Variants in ELAPOR2 observed in about 807,000 individuals in gnomAD.
ELAPOR2 encodes endosome-lysosome associated apoptosis and autophagy regulator family member 2, also known as endosome/lysosome-associated apoptosis and autophagy regulator family member 2.
Under a neutral mutation model 120.7 loss-of-function variants are expected in ELAPOR2, and 89 were observed. The ratio of observed to expected loss-of-function variants is 0.74; its 90% CI spans 0.62 to 0.88. The LOEUF is 0.88. Among genes scored for constraint, ELAPOR2 ranks in the 40% least tolerant of loss-of-function variants. The pLI, the probability that ELAPOR2 is intolerant of heterozygous loss-of-function variation, is 0.00. For missense variants in ELAPOR2, 1,134 were observed against 1,251.6 expected (o/e 0.91, Z 1.42); for synonymous variants, 444 against 444.9 (o/e 1.00, Z 0.03).
chr7:87,035,178 T>C (rs1468125822), intron 1 of ELAPOR2, among the ~76,000 whole-genome samples: 3 of 152,060 alleles, frequency 2.0e-5, no homozygotes, highest in African/African-American at 7.2e-5. Flanking sequence ...GGTATGGATA[T>C]ACCCCTGAGC....
intron 1 of ELAPOR2, among the ~76,000 whole-genome samples, chr7:87,022,731 C>G (rs1400549643): frequency 1.3e-5 from 2 of 150,738 alleles, no homozygotes; most frequent in Non-Finnish European, 3.0e-5. Context: ...CACATCCTCT[C>G]CAGCACCTGT....
At chr7:86,908,941 A>T (rs1318920643) in intron 16 of ELAPOR2, among the ~76,000 whole-genome samples, 2 of 152,084 alleles carry the variant, frequency 1.3e-5, no homozygotes, top group Non-Finnish European at 2.9e-5. Context: ...ACTCATATTC[A>T]ATATAGACAT....
At chr7:87,040,598 C>A (rs933342517) in intron 1 of ELAPOR2, among the ~76,000 whole-genome samples, 28 of 152,080 alleles carry the variant, frequency 1.8e-4, no homozygotes, top group African/African-American at 4.8e-4. Flanking sequence ...GACATCCACA[C>A]CAAAAACCCA....
rs1799288886 is a variant in ELAPOR2 at position 86,879,281 on chromosome 7, T to C, written c.*1190A>G. Reference sequence around the variant, plus strand: ...ACAAATAATATCCAAGTCGTGCTAATACCAGTAGCCCACCATAGAAAATAT... The same window carrying C: ...ACAAATAATATCCAAGTCGTGCTAACACCAGTAGCCCACCATAGAAAATAT... On this transcript the variant is annotated 3_prime_UTR_variant, in exon 22 of 22. Coordinates refer to ENST00000450689, the MANE Select transcript of ELAPOR2 (RefSeq NM_001142749.3). The C allele has an allele frequency of 6.6e-6, 1 of 152,200 alleles. No individual in the cohort carries two copies. The highest frequency in any genetic ancestry group is 1.5e-5 in the Non-Finnish European group (1 of 68,020). The allele number at this position is 152,200 out of a possible 1,614,324, so 9.4% of individuals were successfully genotyped here.
chr7:86,885,985 T>A lies in ELAPOR2; in HGVS notation c.3031-5455A>T, dbSNP rs114891511. 3.0e-3 allele frequency among the ~76,000 whole-genome samples: 459 copies of A among 152,022 alleles called. 3 individuals carry two copies. Among genetic ancestry groups the A allele is most frequent in the African/African-American group, 0.01 (433 of 41,482 alleles). ...ACTGCCATTTGCAACAAATGGTGAGTCAGGGTTTCACACAAGTTCCTTTAC... is the reference window on the plus strand; with the variant it reads ...ACTGCCATTTGCAACAAATGGTGAGACAGGGTTTCACACAAGTTCCTTTAC... On this transcript the variant is annotated intron_variant, in intron 21 of 21. Coordinates refer to ENST00000450689, the MANE Select transcript of ELAPOR2 (RefSeq NM_001142749.3).
At chr7:86,944,436 T>A (rs1790920885) in intron 4 of ELAPOR2, among the ~76,000 whole-genome samples, 6 of 151,994 alleles carry the variant, frequency 3.9e-5, no homozygotes, top group Admixed American at 2.6e-4. Context: ...TGAAAAAAAA[T>A]TGCTCATAAA....
chr7:87,029,773 A>C (rs899208996), intron 1 of ELAPOR2, among the ~76,000 whole-genome samples: 2 of 152,214 alleles, frequency 1.3e-5, no homozygotes, highest in Non-Finnish European at 2.9e-5. Flanking sequence ...CTCAGACAGG[A>C]TATCTACAAT....
At chr7:87,022,127 A>G (rs1025861790) in intron 1 of ELAPOR2, among the ~76,000 whole-genome samples, 2 of 151,984 alleles carry the variant, frequency 1.3e-5, no homozygotes, top group Admixed American at 6.6e-5. Flanking sequence ...TGTGCACAAC[A>G]TGCAGGTTTG....
At chr7:87,008,304 C>T (rs552915883) in intron 1 of ELAPOR2, among the ~76,000 whole-genome samples, 1 of 152,168 alleles carries the variant, frequency 6.6e-6, no homozygotes, top group Non-Finnish European at 1.5e-5. Context: ...GTATCAACAT[C>T]AAGAAAGACG....
Position 86,926,920 on chromosome 7 carries a change from CAAAAAAAAA to C in ELAPOR2, c.1090-13_1090-5del. 6 of 886,970 alleles carry C rather than the reference CAAAAAAAAA, an allele frequency of 6.8e-6. No individual in the cohort carries two copies. The highest frequency in any genetic ancestry group is 6.8e-6 in the Non-Finnish European group (5 of 737,158). 54.9% of individuals were successfully genotyped at this position (886,970 alleles called of 1,614,324 possible). ...TCCACTTGTACATTATCTGTGTCTA[CAAAAAAAAA>C]AAAAAAAAAAAAGCAACCAAGTCAT... On this transcript the variant is annotated splice_polypyrimidine_tract_variant and splice_region_variant and intron_variant, in intron 8 of 21. Coordinates refer to ENST00000450689, the MANE Select transcript of ELAPOR2 (RefSeq NM_001142749.3).
chr7:86,930,681 G>C (rs890623809), intron 8 of ELAPOR2, among the ~76,000 whole-genome samples: 1 of 151,874 alleles, frequency 6.6e-6, no homozygotes, highest in African/African-American at 2.4e-5. Flanking sequence ...TTCGAAGAAG[G>C]CTCCCTTTTA....
In ELAPOR2 at chr7:86,897,778, A is replaced by G. The variant is rs79052218; in HGVS notation, c.2559-146T>C. The stretch of plus-strand genomic sequence containing the variant: ...ACACAAGTGGAAAAAAGTCTAAAAG[A>G]CACAAACCACTATGAGATAACAGTT... On this transcript the variant is annotated intron_variant, in intron 18 of 21. Coordinates refer to ENST00000450689, the MANE Select transcript of ELAPOR2 (RefSeq NM_001142749.3). 21,216 of 793,112 alleles carry G rather than the reference A, an allele frequency of 0.027. 3,265 individuals are homozygous for G. In the African/African-American group the frequency reaches 0.33, roughly 12 times the overall value. The allele number at this position is 793,112 out of a possible 1,614,324, so 49.1% of individuals were successfully genotyped here.
At chr7:86,990,643 G>T (rs939732303) in intron 1 of ELAPOR2, among the ~76,000 whole-genome samples, 2 of 152,090 alleles carry the variant, frequency 1.3e-5, no homozygotes, top group Admixed American at 6.5e-5. Flanking sequence ...AAGGTATTGA[G>T]CTAGCAGTTA....
intron 18 of ELAPOR2, among the ~76,000 whole-genome samples, chr7:86,904,018 C>T (rs1788848606): frequency 6.6e-6 from 1 of 152,158 alleles, no homozygotes; most frequent in East Asian, 1.9e-4. Flanking sequence ...GAAAAAATGG[C>T]AAGATGAGAG....
intron 8 of ELAPOR2, among the ~76,000 whole-genome samples, chr7:86,933,035 ATCTGACTTATAT>A (rs1354085242): frequency 6.6e-6 from 1 of 151,802 alleles, no homozygotes; most frequent in Non-Finnish European, 1.5e-5. Flanking sequence ...AAAATAACTC[ATCTGACTTATAT>A]TCTTCTTTGT....
chr7:86,937,472 G>A (rs921718863), intron 8 of ELAPOR2, among the ~76,000 whole-genome samples: 1 of 152,064 alleles, frequency 6.6e-6, no homozygotes, highest in Non-Finnish European at 1.5e-5. Flanking sequence ...ACTGACACAG[G>A]CTGCTGTAGG....
In ELAPOR2 at chr7:86,912,046, A is replaced by G. The variant is rs201803879; in HGVS notation, c.2169+26T>C. On this transcript the variant is annotated intron_variant, in intron 15 of 21. Coordinates refer to ENST00000450689, the MANE Select transcript of ELAPOR2 (RefSeq NM_001142749.3). ...TTGATCGGAGCTGAAATATAGGTCC[A>G]TCTCACCTTGACAGCCAGAACTCAC... The G allele has an allele frequency of 2.4e-5, 38 of 1,587,712 alleles. No individual in the cohort carries two copies. The East Asian group carries it at 8.6e-4, about 36-fold the overall frequency.
At chr7:86,900,870 T>C (rs1350232716) in intron 18 of ELAPOR2, among the ~76,000 whole-genome samples, 5 of 152,170 alleles carry the variant, frequency 3.3e-5, no homozygotes, top group African/African-American at 1.2e-4. Flanking sequence ...AAATACTTTC[T>C]CCTACCAAGA....
intron 3 of ELAPOR2, among the ~76,000 whole-genome samples, chr7:86,946,291 G>T (rs1176764331): frequency 6.6e-6 from 1 of 152,098 alleles, no homozygotes; most frequent in Non-Finnish European, 1.5e-5. Flanking sequence ...TATACTACTG[G>T]TGGGAGTCTA....
Sources: gnomAD v4.1 joint callset for allele counts (sites outside exome capture counted in the v4.1 genomes callset) on GRCh38, gnomAD v4.1.1 for gene constraint, MANE v1.5 for transcripts, NCBI Gene and HGNC (gene_info 2026-07-23, HGNC 2026-07-21) for gene names.